The following MTERF3 variants were observed in gnomAD, a reference collection of about 807,000 sequenced individuals.
MTERF3 encodes transcription termination factor 3, mitochondrial.
Under a neutral mutation model 40.5 loss-of-function variants are expected in MTERF3, and 40 were observed. That is an observed-to-expected ratio of 0.99 (90% CI 0.77 to 1.29). MTERF3 has a LOEUF of 1.29. MTERF3 is among the 50% of genes most tolerant of loss of function. MTERF3 has a pLI of 0.00. For synonymous variants in MTERF3, 158 were observed against 166.6 expected (o/e 0.95, Z 0.40); for missense variants, 452 against 478.2 (o/e 0.95, Z 0.51).
chr8:96,247,580 T>A (rs1810045430), intron 4 of MTERF3, among the ~76,000 whole-genome samples: 1 of 152,170 alleles, frequency 6.6e-6, no homozygotes, highest in Non-Finnish European at 1.5e-5. Flanking sequence ...TCTGAGATCA[T>A]CACCTAATTA....
Position 96,239,520 on chromosome 8 carries a change from C to G in MTERF3, c.1225G>C (p.Asp409His). Residue 409 changes from aspartate (D) to histidine (H), a missense_variant, in exon 8 of 8, where the codon GAC becomes CAC. By Grantham distance (81) the Asp-to-His change is moderately conservative. Coordinates refer to ENST00000287025, the MANE Select transcript of MTERF3 (RefSeq NM_015942.5). ...CEEIAKASVQ[D>H]FEKFLKTL ...AGCGTTTTTAAGAATTTTTCAAAGT[C>G]CTGTACTGATGCTTTGGCAATCTCT... is the stretch of plus-strand genomic sequence containing the variant. The G allele has an allele frequency of 6.2e-7, 1 of 1,610,040 alleles. No individual in the cohort carries two copies. Among genetic ancestry groups the G allele is most frequent in the East Asian group, 2.2e-5 (1 of 44,774 alleles).
At chr8:96,240,958 T>C (rs1246883342) in intron 7 of MTERF3, among the ~76,000 whole-genome samples, 3 of 152,146 alleles carry the variant, frequency 2.0e-5, no homozygotes, top group African/African-American at 7.2e-5. Flanking sequence ...TTGGCTTGCT[T>C]TTGGAACAGA....
In MTERF3 at chr8:96,246,302, T is replaced by C; in HGVS notation, c.825+5A>G. 1 of 1,589,154 alleles carries C rather than the reference T, an allele frequency of 6.3e-7. No homozygotes were observed. Among genetic ancestry groups the C allele is most frequent in the Middle Eastern group, 1.7e-4 (1 of 5,958 alleles). The stretch of plus-strand genomic sequence containing the variant: ...GAAATAAACAAATTCTCTCCTTTTC[T>C]TTACCTTCTTCACACTAAGTTCAAG... On this transcript the variant is annotated splice_donor_5th_base_variant and intron_variant, in intron 5 of 7. Coordinates refer to ENST00000287025, the MANE Select transcript of MTERF3 (RefSeq NM_015942.5).
chr8:96,250,676 A>AGAAGAG (rs1810155404), intron 4 of MTERF3, among the ~76,000 whole-genome samples: 1 of 38,802 alleles, frequency 2.6e-5, no homozygotes, highest in Non-Finnish European at 5.0e-5. Context: ...AAGAAGAAGA[A>AGAAGAG]GAAGAAGGAG....
intron 7 of MTERF3, among the ~76,000 whole-genome samples, chr8:96,242,299 T>C (rs1367758006): frequency 1.3e-5 from 2 of 151,680 alleles, no homozygotes; most frequent in African/African-American, 4.9e-5. Flanking sequence ...AGGCAAGGGT[T>C]TGGGGTGCCT....
intron 3 of MTERF3, among the ~76,000 whole-genome samples, chr8:96,253,914 G>A (rs1024392229): frequency 2.0e-5 from 3 of 152,158 alleles, no homozygotes; most frequent in Admixed American, 2.0e-4. Context: ...GGGCTGAGGT[G>A]GGAGGATCAC....
chr8:96,239,740 TA>T, intron 7 of MTERF3, 55 bp from the exon 8 acceptor site: 2 of 1,437,488 alleles, frequency 1.4e-6, no homozygotes, highest in Non-Finnish European at 1.9e-6. Flanking sequence ...GATGAAATAT[TA>T]AAAAGTTTAC....
At position 96,252,885 on chromosome 8, in the gene MTERF3, C is replaced by A. The variant is rs965997460; in HGVS notation, c.488-1790G>T. ...TTTAACAGCAGTAGGAGAGCAGAAT[C>A]TCATCAGGAATGCACACTGCTCTCA... is the stretch of plus-strand genomic sequence containing the variant. On this transcript the variant is annotated intron_variant, in intron 3 of 7. Transcript: ENST00000287025. Among the ~76,000 whole-genome samples the A allele has an allele frequency of 3.3e-5, 5 of 152,196 alleles. No individual in the cohort carries two copies. In the East Asian group the frequency reaches 9.6e-4, roughly 29 times the overall value.
chr8:96,242,788 C>T (rs140236682), intron 7 of MTERF3, among the ~76,000 whole-genome samples: 1,783 of 152,236 alleles, frequency 0.012, 37 homozygotes, highest in African/African-American at 0.038. Context: ...CTTCCACACT[C>T]GATTATAAGT....
intron 1 of MTERF3, among the ~76,000 whole-genome samples, chr8:96,259,895 A>T (rs527725024): frequency 1.1e-4 from 17 of 150,832 alleles, no homozygotes; most frequent in Non-Finnish European, 2.2e-4. Context: ...GCAATTATTT[A>T]TTATTATTAT....
At chr8:96,247,405 T>C (rs1398710616) in intron 4 of MTERF3, among the ~76,000 whole-genome samples, 3 of 152,222 alleles carry the variant, frequency 2.0e-5, no homozygotes, top group African/African-American at 4.8e-5. Context: ...GACTATAAAA[T>C]AACATTTTTA....
At chr8:96,255,846 A>T (rs1810269489) in intron 3 of MTERF3, among the ~76,000 whole-genome samples, 1 of 152,222 alleles carries the variant, frequency 6.6e-6, no homozygotes, top group Non-Finnish European at 1.5e-5. Context: ...CAACAGCCTT[A>T]TCGGAGAGGA....
At chr8:96,254,779 G>A (rs1810251589) in intron 3 of MTERF3, among the ~76,000 whole-genome samples, 1 of 152,138 alleles carries the variant, frequency 6.6e-6, no homozygotes, top group South Asian at 2.1e-4. Flanking sequence ...GAAGCTTCTT[G>A]AGAACAAAGG....
chr8:96,249,194 T>C (rs1810077157), intron 4 of MTERF3, among the ~76,000 whole-genome samples: 1 of 152,224 alleles, frequency 6.6e-6, no homozygotes, highest in South Asian at 2.1e-4. Flanking sequence ...TTGAAACCAC[T>C]TACTCTGCTA....
intron 2 of MTERF3, 200 bp downstream of exon 2, chr8:96,258,157 A>G (rs1810314858): frequency 2.6e-6 from 2 of 771,354 alleles, no homozygotes; most frequent in Non-Finnish European, 3.2e-6. Flanking sequence ...CTATAAAATA[A>G]TCTTACACGT....
chr8:96,246,430 AT>A lies in MTERF3; in HGVS notation c.701del (p.Asn234IlefsTer18). On this transcript the variant is annotated frameshift_variant, in exon 5 of 8. Transcript: ENST00000287025. LOFTEE classifies it high-confidence loss of function. ...TCTGTGCAACATCTGCTTTACTGAA[AT>A]TTTTTGAATGCAGATAAGCCACCCT... ...KTRVAYLHSK[N>X]FSKADVAQMV... The A allele has an allele frequency of 6.2e-7, 1 of 1,610,230 alleles. No homozygotes were observed. The highest frequency in any genetic ancestry group is 1.7e-5 in the Admixed American group (1 of 59,230).
chr8:96,250,517 C>T (rs1307041950), intron 4 of MTERF3, among the ~76,000 whole-genome samples: 2 of 143,604 alleles, frequency 1.4e-5, no homozygotes, highest in Non-Finnish European at 3.1e-5. Context: ...TCGAGAACAG[C>T]CTGGCCAATG....
rs1809883511 is a variant in MTERF3, at chr8:96,239,637, T to A, written c.1108A>T (p.Thr370Ser). ...FKVKERHLFL[T>S]YLGRAQYDPA... Reference sequence around the variant, plus strand: ...TCATACTGTGCTCTTCCTAAATAGGTAAGAAACAAGTGTCTTTCTTTGACC... The same window carrying A: ...TCATACTGTGCTCTTCCTAAATAGGAAAGAAACAAGTGTCTTTCTTTGACC... Residue 370 changes from threonine (T) to serine (S), a missense_variant, in exon 8 of 8, where the codon ACC (threonine) becomes TCC (serine). Coordinates refer to ENST00000287025, the MANE Select transcript of MTERF3 (RefSeq NM_015942.5). 2 of 1,605,842 alleles carry A rather than the reference T, an allele frequency of 1.2e-6. No individual in the cohort carries two copies. The highest frequency in any genetic ancestry group is 1.7e-6 in the Non-Finnish European group (2 of 1,178,166).
intron 2 of MTERF3, among the ~76,000 whole-genome samples, chr8:96,257,661 T>C (rs1307283705): frequency 6.6e-6 from 1 of 152,164 alleles, no homozygotes; most frequent in African/African-American, 2.4e-5. Context: ...GTTGTTTTTG[T>C]TTTTTTAAAA....
Sources: allele counts gnomAD v4.1 joint callset (sites outside exome capture counted in the v4.1 genomes callset), GRCh38; gene constraint gnomAD v4.1.1; transcripts MANE v1.5; gene names NCBI Gene and HGNC (gene_info 2026-07-23, HGNC 2026-07-21).